The following NKAIN1 variants were observed in gnomAD, a reference collection of about 807,000 sequenced individuals.
The protein encoded by NKAIN1 is sodium/potassium transporting ATPase interacting 1.
A neutral mutation model predicts 31.6 loss-of-function variants in NKAIN1; 13 were observed. The ratio of observed to expected loss-of-function variants is 0.41; its 90% CI spans 0.27 to 0.65. NKAIN1 has a LOEUF of 0.65. NKAIN1 is among the 30% of genes least tolerant of loss of function. The pLI is 0.30. For synonymous variants in NKAIN1, 104 were observed against 109.0 expected (o/e 0.95, Z 0.28); for missense variants, 193 against 262.2 (o/e 0.74, Z 1.82).
intron 1 of NKAIN1, among the ~76,000 whole-genome samples, chr1:31,217,706 G>T (rs1191083343): frequency 2.0e-5 from 3 of 152,224 alleles, no homozygotes; most frequent in African/African-American, 7.2e-5. Context: ...AGTGGCATCA[G>T]CCTGCTTCCT....
chr1:31,237,254 C>T (rs531284530), intron 1 of NKAIN1, among the ~76,000 whole-genome samples: 1 of 152,166 alleles, frequency 6.6e-6, no homozygotes, highest in African/African-American at 2.4e-5. Flanking sequence ...ATGTCTCAAA[C>T]AAAAACAAAA....
chr1:31,191,375 C>A (rs1394063097), intron 1 of NKAIN1, among the ~76,000 whole-genome samples: 5 of 148,660 alleles, frequency 3.4e-5, no homozygotes, highest in Non-Finnish European at 7.4e-5. Flanking sequence ...TTCTCTGTGA[C>A]CTTATTGATA....
intron 5 of NKAIN1, 98 bp downstream of exon 5, chr1:31,182,432 C>T (rs1570446860): frequency 1.4e-6 from 2 of 1,410,210 alleles, no homozygotes; most frequent in Non-Finnish European, 2.0e-6. Context: ...CGTGGCCGAC[C>T]CTGGGCTCCC....
chr1:31,195,035 T>G (rs1014682037), intron 1 of NKAIN1, among the ~76,000 whole-genome samples: 1 of 151,756 alleles, frequency 6.6e-6, no homozygotes, highest in Non-Finnish European at 1.5e-5. Context: ...CCTCCCAAAG[T>G]GTTGGGATTA....
chr1:31,181,559 G>A lies in NKAIN1; in HGVS notation c.*144C>T, dbSNP rs920731834. 44 of 686,774 alleles carry A rather than the reference G, an allele frequency of 6.4e-5. No homozygotes were observed. Among genetic ancestry groups the A allele is most frequent in the Non-Finnish European group, 8.3e-5 (39 of 469,214 alleles). 42.5% of individuals were successfully genotyped at this position (686,774 alleles called of 1,614,324 possible). On this transcript the variant is annotated 3_prime_UTR_variant, in exon 7 of 7. Coordinates refer to ENST00000373736, the MANE Select transcript of NKAIN1 (RefSeq NM_024522.3). Reference sequence around the variant, plus strand: ...CAAGTCCAAGTCCACGTCCAAGTCCGCATCTCCAGATGCAGACGCGGGGTT... The same window carrying A: ...CAAGTCCAAGTCCACGTCCAAGTCCACATCTCCAGATGCAGACGCGGGGTT...
At position 31,239,758 on chromosome 1, in the gene NKAIN1, G is replaced by T. The variant is rs1054237643; in HGVS notation, c.-211C>A. 2.0e-5 allele frequency among the ~76,000 whole-genome samples: 3 copies of T among 151,300 alleles called. No individual in the cohort carries two copies. Among genetic ancestry groups the T allele is most frequent in the African/African-American group, 7.3e-5 (3 of 41,312 alleles). On this transcript the variant is annotated 5_prime_UTR_variant, in exon 1 of 7. Transcript: ENST00000373736. The surrounding 1 kb of genome is among the most constrained non-coding windows in gnomAD (Gnocchi z 4.8). ...CCATGGTCCGTCCGTCCGCGCGCTG[G>T]CCCCGCCGAGCCGCGCCTCCTTTGT...
Position 31,184,009 on chromosome 1 carries a change from C to T in NKAIN1, c.279G>A (p.Arg93=). 6.2e-7 allele frequency: 1 copy of T among 1,613,290 alleles called. No homozygotes were observed. The highest frequency in any genetic ancestry group is 8.5e-7 in the Non-Finnish European group (1 of 1,179,704). The change falls in exon 4 of 7, where the codon CGG becomes CGA. Residue 93 remains arginine (R), a synonymous_variant. Transcript: ENST00000373736. ...YLEVGQLSQD[R]DFIMTFNTSL... ...ATGTGTTGAAGGTCATGATGAAGTC[C>T]CGGTCCTGGGGGCAAAGGGGCCTGG...
intron 1 of NKAIN1, among the ~76,000 whole-genome samples, chr1:31,231,911 CTT>C (rs751272398): frequency 7.2e-6 from 1 of 138,456 alleles, no homozygotes; most frequent in Admixed American, 7.3e-5. Context: ...CTGGAACTAG[CTT>C]TTTTTTTTTT....
Sources: allele counts gnomAD v4.1 joint callset (sites outside exome capture counted in the v4.1 genomes callset), GRCh38; gene constraint gnomAD v4.1.1; non-coding constraint Gnocchi (gnomAD v3.1); transcripts MANE v1.5; gene names NCBI Gene and HGNC (gene_info 2026-07-23, HGNC 2026-07-21).